The following TMPRSS2 variants were observed in gnomAD, a reference collection of about 807,000 sequenced individuals.
TMPRSS2 encodes transmembrane serine protease 2, also known as transmembrane protease serine 2.
TMPRSS2 carries 59 observed loss-of-function variants against 67.4 expected under a neutral mutation model. The observed-to-expected ratio is 0.88, with a 90% CI of 0.71 to 1.09. The LOEUF is 1.09. Ranked by LOEUF, TMPRSS2 falls within the 50% of genes least tolerant of loss-of-function variation. The pLI is 0.00. For missense variants in TMPRSS2, 668 were observed against 642.7 expected (o/e 1.04, Z -0.43); for synonymous variants, 257 against 257.0 (o/e 1.00, Z 0.00).
At position 41,466,036 on chromosome 21, in the gene TMPRSS2, A is replaced by T; in HGVS notation, c.*106T>A. ...CAGACAAGTTCACTGTTTAATAAAA[A>T]TGAAGTGACCTCTGAATCATCTCTA... is the stretch of plus-strand genomic sequence containing the variant. On this transcript the variant is annotated 3_prime_UTR_variant, in exon 14 of 14. Coordinates refer to ENST00000332149, the MANE Select transcript of TMPRSS2 (RefSeq NM_005656.4). 7.1e-7 allele frequency: 1 copy of T among 1,403,714 alleles called. No homozygotes were observed. The highest frequency in any genetic ancestry group is 1.0e-6 in the Non-Finnish European group (1 of 1,002,404). 87.0% of individuals were successfully genotyped at this position (1,403,714 alleles called of 1,614,324 possible). A position where few individuals can be genotyped will look rare whatever the true frequency, so the allele number is the denominator to read the frequency against.
intron 9 of TMPRSS2, 78 bp from the exon 10 acceptor site, chr21:41,472,059 C>A (rs2146428312): frequency 1.4e-6 from 2 of 1,411,710 alleles, no homozygotes; most frequent in South Asian, 1.5e-5. Flanking sequence ...ACGTCAGAAG[C>A]TGGAGGCAAG....
chr21:41,470,515 G>A lies in TMPRSS2; in HGVS notation c.1171+133C>T, dbSNP rs975743780. 113 of 759,836 alleles carry A rather than the reference G, an allele frequency of 1.5e-4. 1 individual carries two copies. The African/African-American group carries it at 1.6e-3, about 11-fold the overall frequency. The allele number at this position is 759,836 out of a possible 1,614,324, so 47.1% of individuals were successfully genotyped here. A position where few individuals can be genotyped will look rare whatever the true frequency, so the allele number is the denominator to read the frequency against. ...AGCAGATGGAGAAACTGAGGCACAA[G>A]GACTGGGGGAATCAACCAAAGTCAT... is the stretch of plus-strand genomic sequence containing the variant. On this transcript the variant is annotated intron_variant, in intron 11 of 13. Transcript: ENST00000332149.
In TMPRSS2 at chr21:41,488,794, C is replaced by T. The variant is rs142518005; in HGVS notation, c.326-281G>A. On this transcript the variant is annotated intron_variant, in intron 4 of 13. Transcript: ENST00000332149. ...CTGGGATTACAGGTGCACGCCACCA[C>T]GCCTGACTAATTTTTGTATTTTTAG... is the stretch of plus-strand genomic sequence containing the variant. 2.6e-3 allele frequency among the ~76,000 whole-genome samples: 394 copies of T among 152,264 alleles called. 1 individual carries two copies. Among genetic ancestry groups the T allele is most frequent in the African/African-American group, 8.5e-3 (354 of 41,554 alleles).
intron 1 of TMPRSS2, among the ~76,000 whole-genome samples, chr21:41,499,606 TTTCTCTTTGTGATTTTTCCACCCACCA>T (rs1461606725): frequency 6.6e-6 from 1 of 151,210 alleles, no homozygotes; most frequent in Non-Finnish European, 1.5e-5. Context: ...CCCTTGATGT[TTTCTCTTTGTGATTTTTCCACCCACCA>T]ACCCCACCCT....
Position 41,476,640 on chromosome 21 carries a change from A to G in TMPRSS2, c.684-20T>C. The G allele has an allele frequency of 6.2e-7, 1 of 1,611,430 alleles. No homozygotes were observed. Among genetic ancestry groups the G allele is most frequent in the East Asian group, 2.2e-5 (1 of 44,868 alleles). ...GCATCACTGCAAAAAGAACAGGGGA[A>G]ATTCTGGTCACGATAGTGCGGAGTC... On this transcript the variant is annotated intron_variant, in intron 7 of 13. Transcript: ENST00000332149.
In TMPRSS2 at chr21:41,488,404, C is replaced by A; in HGVS notation, c.435G>T (p.Glu145Asp). ...GVSHCPGGED[E>D]NRCVRLYGPN... ...TCAAGGCTGACTCACCACACCGATT[C>A]TCGTCCTCCCCGCCGGGGCAGTGTG... The change falls in exon 5 of 14, where the codon GAG becomes GAT. Residue 145 changes from glutamate to aspartate, a missense_variant. Glu to Asp is a conservative substitution (Grantham distance 45). Coordinates refer to ENST00000332149, the MANE Select transcript of TMPRSS2 (RefSeq NM_005656.4). 1 of 1,612,778 alleles carries A rather than the reference C, an allele frequency of 6.2e-7. No homozygotes were observed. The highest frequency in any genetic ancestry group is 8.5e-7 in the Non-Finnish European group (1 of 1,179,336).
chr21:41,486,730 C>A (rs1188031989), intron 5 of TMPRSS2: 1 of 152,234 alleles, frequency 6.6e-6, no homozygotes, highest in Non-Finnish European at 1.5e-5. Context: ...GCACAACCCT[C>A]ATACTCAGGA....
intron 3 of TMPRSS2, among the ~76,000 whole-genome samples, chr21:41,494,080 C>G (rs923523094): frequency 6.6e-6 from 1 of 152,218 alleles, no homozygotes; most frequent in African/African-American, 2.4e-5. Context: ...GATCTCGAAG[C>G]CTACGCTGAG....
intron 3 of TMPRSS2, 58 bp downstream of exon 3, chr21:41,494,298 G>A: frequency 1.3e-6 from 2 of 1,572,738 alleles, no homozygotes; most frequent in East Asian, 2.3e-5. Context: ...AGCCCACTGG[G>A]GAGGTAGACC....
Position 41,465,981 on chromosome 21 carries a change from C to T in TMPRSS2, c.*161G>A. On this transcript the variant is annotated 3_prime_UTR_variant, in exon 14 of 14. Transcript: ENST00000332149. ...AGGCTGGGCAGGGGAGCCACTGCAG[C>T]CTGCACAGAATGGCAGAGAGTGCCA... 1 of 856,794 alleles carries T rather than the reference C, an allele frequency of 1.2e-6. No homozygotes were observed. Among genetic ancestry groups the T allele is most frequent in the Non-Finnish European group, 1.8e-6 (1 of 541,242 alleles). The allele number at this position is 856,794 out of a possible 1,614,324, so 53.1% of individuals were successfully genotyped here. A position where few individuals can be genotyped will look rare whatever the true frequency, so the allele number is the denominator to read the frequency against.
intron 3 of TMPRSS2, among the ~76,000 whole-genome samples, chr21:41,492,889 G>A (rs921807780): frequency 2.6e-4 from 40 of 152,206 alleles, no homozygotes; most frequent in African/African-American, 9.4e-4. Flanking sequence ...TCTTAGGGGG[G>A]TAGCTCACAC....
intron 1 of TMPRSS2, among the ~76,000 whole-genome samples, chr21:41,502,252 G>A (rs1163836285): frequency 6.6e-6 from 1 of 152,148 alleles, no homozygotes; most frequent in Non-Finnish European, 1.5e-5. Context: ...GAGATCTCAG[G>A]ACACGTTTAC....
chr21:41,483,867 T>C (rs966849440), intron 5 of TMPRSS2, among the ~76,000 whole-genome samples: 2 of 151,820 alleles, frequency 1.3e-5, no homozygotes, highest in African/African-American at 4.8e-5. Flanking sequence ...CTGTGGTTCA[T>C]GCCTGTAATC....
At chr21:41,507,527 G>A (rs1056060445) in intron 1 of TMPRSS2, among the ~76,000 whole-genome samples, 1 of 152,140 alleles carries the variant, frequency 6.6e-6, no homozygotes, top group Non-Finnish European at 1.5e-5. Context: ...CCGCCGCGCC[G>A]GCCGTATCGT....
chr21:41,478,340 T>C lies in TMPRSS2; in HGVS notation c.683+832A>G, dbSNP rs1213991540. 6.6e-6 allele frequency among the ~76,000 whole-genome samples: 1 copy of C among 152,114 alleles called. No homozygotes were observed. Among genetic ancestry groups the C allele is most frequent in the Non-Finnish European group, 1.5e-5 (1 of 68,020 alleles). On this transcript the variant is annotated intron_variant, in intron 7 of 13. Transcript: ENST00000332149. This position sits in a 1 kb window ranked among gnomAD's most constrained non-coding sequence, Gnocchi z 4.0. ...GTGATTAGTTCATCCTCCCCCGAAA[T>C]GCAGCACCTGGCACCTGGCAGGCAG...
rs377591443 is a variant in TMPRSS2 at position 41,466,587 on chromosome 21, G to C, written c.1468-434C>G. On this transcript the variant is annotated intron_variant, in intron 13 of 13. Coordinates refer to ENST00000332149, the MANE Select transcript of TMPRSS2 (RefSeq NM_005656.4). ...CTCCTGCCCTGCCTCCTCCTCCTGGGGTCATCTGTTTCTAGCACTGGGCCC... is the reference window on the plus strand; with the variant it reads ...CTCCTGCCCTGCCTCCTCCTCCTGGCGTCATCTGTTTCTAGCACTGGGCCC... 2.8e-4 allele frequency among the ~76,000 whole-genome samples: 43 copies of C among 152,232 alleles called. 1 individual carries two copies. The East Asian group carries it at 4.5e-3, about 16-fold the overall frequency.
At chr21:41,476,507 A>C (rs1282034719) in intron 8 of TMPRSS2, 70 bp downstream of exon 8, 1 of 1,478,370 alleles carries the variant, frequency 6.8e-7, no homozygotes, top group Middle Eastern at 1.7e-4. Flanking sequence ...AGACACAGGG[A>C]GTACTGTTCT....
Position 41,471,831 on chromosome 21 carries a change from C to T in TMPRSS2, c.1050G>A (p.Lys350=). 6.2e-7 allele frequency: 1 copy of T among 1,608,514 alleles called. No homozygotes were observed. ...KTKNNDIALM[K]LQKPLTFNDL... ...CGTTGAAAGTCAGAGGCTTCTGCAGCTTCATCAGCGCAATGTCATTGTTCT... is the reference window on the plus strand; with the variant it reads ...CGTTGAAAGTCAGAGGCTTCTGCAGTTTCATCAGCGCAATGTCATTGTTCT... Residue 350 remains lysine (K), a synonymous_variant, in exon 10 of 14, where the codon AAG becomes AAA. Coordinates refer to ENST00000332149, the MANE Select transcript of TMPRSS2 (RefSeq NM_005656.4).
rs781008294 is a variant in TMPRSS2 at position 41,489,528 on chromosome 21, C to T, written c.304G>A (p.Ala102Thr). 3.1e-6 allele frequency: 5 copies of T among 1,613,966 alleles called. No homozygotes were observed. Among genetic ancestry groups the T allele is most frequent in the South Asian group, 1.1e-5 (1 of 91,082 alleles). ...TTACTGAACTTCCAGAGTAGGCCAG[C>T]GGCCAGCGCAGCTCCCACGAGGAAG... ...GTFLVGAALA[A>T]GLLWKFMGSK... Residue 102 changes from alanine to threonine, a missense_variant, in exon 4 of 14, where the codon GCT becomes ACT. Ala to Thr is a moderately conservative substitution (Grantham distance 58, BLOSUM62 0). Transcript: ENST00000332149.
Sources: gnomAD v4.1 joint callset for allele counts (sites outside exome capture counted in the v4.1 genomes callset) on GRCh38, gnomAD v4.1.1 for gene constraint, Gnocchi (gnomAD v3.1) non-coding constraint, MANE v1.5 for transcripts, NCBI Gene and HGNC (gene_info 2026-07-23, HGNC 2026-07-21) for gene names.